The following SPATS2 variants were observed in gnomAD, a reference collection of about 807,000 sequenced individuals.
SPATS2 encodes the protein spermatogenesis associated serine rich 2, also known as spermatogenesis-associated serine-rich protein 2.
Under a neutral mutation model 63.7 loss-of-function variants are expected in SPATS2, and 38 were observed. The ratio of observed to expected loss-of-function variants is 0.60; its 90% CI spans 0.46 to 0.78. SPATS2 has a LOEUF of 0.78. Among genes scored for constraint, SPATS2 ranks in the 30% least tolerant of loss-of-function variants. SPATS2 has a pLI of 0.00. For missense variants in SPATS2, 588 were observed against 666.2 expected (o/e 0.88, Z 1.29); for synonymous variants, 207 against 232.9 (o/e 0.89, Z 1.01).
chr12:49,404,779 C>G (rs1270994573), intron 2 of SPATS2, among the ~76,000 whole-genome samples: 6 of 152,094 alleles, frequency 3.9e-5, no homozygotes, highest in African/African-American at 1.4e-4. Flanking sequence ...TCCTATGTAC[C>G]AGGGGTTGGT....
At chr12:49,374,427 G>C (rs1422117407) in intron 2 of SPATS2, among the ~76,000 whole-genome samples, 4 of 152,128 alleles carry the variant, frequency 2.6e-5, no homozygotes, top group Non-Finnish European at 4.4e-5. Flanking sequence ...ACAGTGCCCA[G>C]CTCACTTTAT....
intron 3 of SPATS2, among the ~76,000 whole-genome samples, chr12:49,476,391 C>G (rs1946118662): frequency 6.6e-6 from 1 of 152,130 alleles, no homozygotes; most frequent in Non-Finnish European, 1.5e-5. Context: ...TACTTCCACT[C>G]AATAAAACCT....
chr12:49,461,461 A>G (rs1197393608), intron 3 of SPATS2, among the ~76,000 whole-genome samples: 1 of 152,184 alleles, frequency 6.6e-6, no homozygotes, highest in African/African-American at 2.4e-5. Flanking sequence ...CTAAAGTGAA[A>G]TACAAGGTGC....
chr12:49,516,089 G>A (rs1268620241), intron 10 of SPATS2, among the ~76,000 whole-genome samples: 4 of 129,972 alleles, frequency 3.1e-5, no homozygotes, highest in African/African-American at 8.6e-5. Flanking sequence ...GCAGTGAGCC[G>A]AGATTGCGCC....
intron 2 of SPATS2, among the ~76,000 whole-genome samples, chr12:49,405,755 C>T (rs200752966): frequency 1.2e-4 from 19 of 152,074 alleles, no homozygotes; most frequent in East Asian, 1.9e-4. Flanking sequence ...CTTACTTTTT[C>T]GTAAATGTCT....
chr12:49,442,786 TAAAAAAAAA>T (rs71439499), intron 2 of SPATS2: 25 of 27,152 alleles, frequency 9.2e-4, no homozygotes, highest in South Asian at 4.8e-3. Flanking sequence ...CATGTCTCCT[TAAAAAAAAA>T]AAAAAAAAAA....
chr12:49,474,878 G>T (rs1946093528), intron 3 of SPATS2, among the ~76,000 whole-genome samples: 1 of 152,186 alleles, frequency 6.6e-6, no homozygotes, highest in Non-Finnish European at 1.5e-5. Flanking sequence ...CACGTGACTG[G>T]GGAGGCCTCA....
At chr12:49,518,293 T>C (rs1301466641) in intron 10 of SPATS2, among the ~76,000 whole-genome samples, 4 of 152,206 alleles carry the variant, frequency 2.6e-5, no homozygotes, top group Non-Finnish European at 4.4e-5. Context: ...AGGATTTCTT[T>C]GGTTTTGTTT....
At chr12:49,392,679 C>G (rs945699743) in intron 2 of SPATS2, among the ~76,000 whole-genome samples, 1 of 152,092 alleles carries the variant, frequency 6.6e-6, no homozygotes, top group Non-Finnish European at 1.5e-5. Flanking sequence ...CACCACTGCA[C>G]TCCAGCGCCT....
At chr12:49,498,421 G>A (rs1946505445) in intron 8 of SPATS2, among the ~76,000 whole-genome samples, 1 of 151,966 alleles carries the variant, frequency 6.6e-6, no homozygotes, top group African/African-American at 2.4e-5. Context: ...TACAAAGCTG[G>A]CTTCCTCATA....
intron 2 of SPATS2, among the ~76,000 whole-genome samples, chr12:49,373,355 C>G (rs1277885525): frequency 6.6e-6 from 1 of 152,176 alleles, no homozygotes; most frequent in Non-Finnish European, 1.5e-5. Context: ...GACATAGTTA[C>G]TTCAGGCTCA....
At chr12:49,441,210 C>T (rs1418748924) in intron 2 of SPATS2, among the ~76,000 whole-genome samples, 1 of 152,232 alleles carries the variant, frequency 6.6e-6, no homozygotes, top group Admixed American at 6.5e-5. Flanking sequence ...CTCACTCAAG[C>T]CCTCTTCAAC....
intron 2 of SPATS2, among the ~76,000 whole-genome samples, chr12:49,406,824 G>T (rs1944705959): frequency 6.6e-6 from 1 of 152,150 alleles, no homozygotes; most frequent in East Asian, 1.9e-4. Context: ...TGAATGAAGT[G>T]AAAGTGAGGC....
intron 2 of SPATS2, among the ~76,000 whole-genome samples, chr12:49,382,612 C>G (rs1012995565): frequency 3.3e-5 from 5 of 152,222 alleles, no homozygotes; most frequent in Non-Finnish European, 2.9e-5. Context: ...ATTCCTCTCT[C>G]CAGAAGTAAC....
At chr12:49,507,205 T>TAGC (rs1192908561) in intron 9 of SPATS2, among the ~76,000 whole-genome samples, 1 of 152,086 alleles carries the variant, frequency 6.6e-6, no homozygotes, top group Non-Finnish European at 1.5e-5. Flanking sequence ...CAGATCAGAG[T>TAGC]AGCGGGAAAG....
In SPATS2 at chr12:49,497,023, C is replaced by A; in HGVS notation, c.703+14C>A. On this transcript the variant is annotated intron_variant, in intron 8 of 13. Transcript: ENST00000552918. ...GTAAAAAGCTAAGTAAGTCAGAGGCCCACCTGTGAGAGAAAATGAAAAATC... is the reference window on the plus strand; with the variant it reads ...GTAAAAAGCTAAGTAAGTCAGAGGCACACCTGTGAGAGAAAATGAAAAATC... 1.3e-6 allele frequency: 2 copies of A among 1,504,940 alleles called. No homozygotes were observed. Among genetic ancestry groups the A allele is most frequent in the South Asian group, 1.3e-5 (1 of 74,568 alleles). 93.2% of individuals were successfully genotyped at this position (1,504,940 alleles called of 1,614,324 possible).
intron 2 of SPATS2, among the ~76,000 whole-genome samples, chr12:49,427,491 T>G (rs1945101421): frequency 6.6e-6 from 1 of 152,208 alleles, no homozygotes; most frequent in African/African-American, 2.4e-5. Flanking sequence ...TGTTTTCTAA[T>G]GTACCATGAG....
chr12:49,369,297 G>T (rs1183888266), intron 1 of SPATS2, among the ~76,000 whole-genome samples: 1 of 151,992 alleles, frequency 6.6e-6, no homozygotes, highest in East Asian at 1.9e-4. Flanking sequence ...AAAGTGTTGG[G>T]ATTACAGGCG....
chr12:49,425,307 A>G (rs1215523116), intron 2 of SPATS2, among the ~76,000 whole-genome samples: 1 of 152,088 alleles, frequency 6.6e-6, no homozygotes, highest in Non-Finnish European at 1.5e-5. Context: ...TTTTAAAGAA[A>G]TAATTTTTCT....
Sources: allele counts gnomAD v4.1 joint callset (sites outside exome capture counted in the v4.1 genomes callset), GRCh38; gene constraint gnomAD v4.1.1; transcripts MANE v1.5; gene names NCBI Gene and HGNC (gene_info 2026-07-23, HGNC 2026-07-21).